ERBB4: variants seen among roughly 807,000 people sequenced by gnomAD.
The protein encoded by ERBB4 is erb-b2 receptor tyrosine kinase 4, also known as receptor tyrosine-protein kinase erbB-4.
Under a neutral mutation model 158.0 loss-of-function variants are expected in ERBB4, and 42 were observed. The ratio of observed to expected loss-of-function variants is 0.27; its 90% CI spans 0.21 to 0.34. The LOEUF is 0.34. Ranked by LOEUF, ERBB4 falls within the 10% of genes least tolerant of loss-of-function variation. ERBB4 has a pLI of 1.00. For missense variants in ERBB4, 1,333 were observed against 1,624.1 expected (o/e 0.82, Z 3.08); for synonymous variants, 583 against 558.7 (o/e 1.04, Z -0.61).
intron 20 of ERBB4, among the ~76,000 whole-genome samples, chr2:211,468,513 T>C (rs1358069342): frequency 6.6e-6 from 1 of 152,102 alleles, no homozygotes. Context: ...TATAAAAATC[T>C]GGACGTTATA....
intron 20 of ERBB4, among the ~76,000 whole-genome samples, chr2:211,525,890 A>C (rs1220650957): frequency 2.0e-5 from 3 of 152,038 alleles, no homozygotes; most frequent in Non-Finnish European, 4.4e-5. Flanking sequence ...AGTAGGAAGG[A>C]CTATGTCTTA....
chr2:212,428,966 T>C (rs2091969910), intron 1 of ERBB4, among the ~76,000 whole-genome samples: 1 of 152,148 alleles, frequency 6.6e-6, no homozygotes, highest in Non-Finnish European at 1.5e-5. Context: ...GCAACTACTT[T>C]ATGAGACATT....
chr2:211,925,671 C>T (rs190753561), intron 3 of ERBB4, among the ~76,000 whole-genome samples: 26 of 152,136 alleles, frequency 1.7e-4, no homozygotes, highest in African/African-American at 5.3e-4. Flanking sequence ...TGAGCCACCA[C>T]GCCCAGCTGT....
chr2:212,267,151 C>T lies in ERBB4; in HGVS notation c.83-142248G>A, dbSNP rs765082647. Reference sequence around the variant, plus strand: ...CCACCAAATTCAGTTGCCTCTTGCTCAACAAGCCTTAATCAAATGGGAAAA... The same window carrying T: ...CCACCAAATTCAGTTGCCTCTTGCTTAACAAGCCTTAATCAAATGGGAAAA... On this transcript the variant is annotated intron_variant, in intron 1 of 27. Coordinates refer to ENST00000342788, the MANE Select transcript of ERBB4 (RefSeq NM_005235.3). Among the ~76,000 whole-genome samples the T allele has an allele frequency of 4.3e-4, 65 of 151,960 alleles. 1 individual carries two copies. Among genetic ancestry groups the T allele is most frequent in the Non-Finnish European group, 9.0e-4 (61 of 67,960 alleles).
At chr2:211,901,002 A>G (rs1230007802) in intron 3 of ERBB4, among the ~76,000 whole-genome samples, 1 of 152,224 alleles carries the variant, frequency 6.6e-6, no homozygotes, top group Non-Finnish European at 1.5e-5. Flanking sequence ...ATTAAAAATC[A>G]GTTAAATAGC....
chr2:211,861,658 G>T (rs12991661), intron 3 of ERBB4, among the ~76,000 whole-genome samples: 1 of 151,750 alleles, frequency 6.6e-6, no homozygotes, highest in Non-Finnish European at 1.5e-5. Flanking sequence ...GTTCACACAC[G>T]AAGTCTTGGG....
intron 20 of ERBB4, among the ~76,000 whole-genome samples, chr2:211,524,400 C>G (rs765143316): frequency 2.8e-4 from 42 of 151,422 alleles, no homozygotes; most frequent in Middle Eastern, 3.4e-3. Flanking sequence ...CTTGGGTGGT[C>G]AATGGGACTG....
At chr2:212,098,078 C>T (rs1373926915) in intron 2 of ERBB4, among the ~76,000 whole-genome samples, 2 of 151,964 alleles carry the variant, frequency 1.3e-5, no homozygotes, top group African/African-American at 4.8e-5. Flanking sequence ...TTTTAGAAGA[C>T]TCATAGACAA....
At chr2:211,733,896 C>A (rs1016007297) in intron 5 of ERBB4, among the ~76,000 whole-genome samples, 1 of 147,480 alleles carries the variant, frequency 6.8e-6, no homozygotes, top group Non-Finnish European at 1.5e-5. Context: ...GCCTGGCCAA[C>A]ATGAAGAAAC....
intron 1 of ERBB4, among the ~76,000 whole-genome samples, chr2:212,503,443 G>C (rs1466298727): frequency 6.6e-6 from 1 of 152,044 alleles, no homozygotes; most frequent in Non-Finnish European, 1.5e-5. Context: ...GTAACATAAA[G>C]ACAGAAAATC....
At chr2:211,395,786 T>C (rs1398128659) in intron 25 of ERBB4, among the ~76,000 whole-genome samples, 2 of 152,076 alleles carry the variant, frequency 1.3e-5, no homozygotes, top group Non-Finnish European at 2.9e-5. Context: ...AGAGATATGT[T>C]ATCTAAACAC....
intron 1 of ERBB4, among the ~76,000 whole-genome samples, chr2:212,229,442 C>A (rs1001985600): frequency 3.3e-5 from 5 of 152,114 alleles, no homozygotes; most frequent in African/African-American, 1.2e-4. Context: ...AATGCCATAG[C>A]CTGTTCCATT....
At chr2:211,846,264 A>G (rs1467317544) in intron 3 of ERBB4, among the ~76,000 whole-genome samples, 1 of 152,066 alleles carries the variant, frequency 6.6e-6, no homozygotes. Flanking sequence ...TAATCCTTTA[A>G]TCTCCAGACA....
intron 3 of ERBB4, among the ~76,000 whole-genome samples, chr2:211,807,002 T>C (rs1237221541): frequency 1.3e-5 from 2 of 152,054 alleles, no homozygotes; most frequent in African/African-American, 4.8e-5. Context: ...AACGTCAAGA[T>C]TGATAATATA....
intron 16 of ERBB4, among the ~76,000 whole-genome samples, chr2:211,646,026 G>C (rs1041699032): frequency 6.6e-6 from 1 of 151,418 alleles, no homozygotes; most frequent in Non-Finnish European, 1.5e-5. Flanking sequence ...TGATACTAGG[G>C]AATACTAGGC....
intron 1 of ERBB4, among the ~76,000 whole-genome samples, chr2:212,168,328 G>A (rs1012948717): frequency 6.6e-6 from 1 of 152,078 alleles, no homozygotes; most frequent in Admixed American, 6.6e-5. Flanking sequence ...CGTATACAGT[G>A]TGTTCTATGA....
rs115843879 is a variant in ERBB4 at position 211,437,866 on chromosome 2, A to G, written c.2488-6766T>C. ...TTTTTCTACCTTTCCTTCTAAAAGC[A>G]ATTCTATCCCTGGGGGAAAAAGAAT... On this transcript the variant is annotated intron_variant, in intron 20 of 27. Transcript: ENST00000342788. Among the ~76,000 whole-genome samples, 564 of 152,306 alleles carry G rather than the reference A, an allele frequency of 3.7e-3. 5 individuals carry two copies. The highest frequency in any genetic ancestry group is 0.013 in the African/African-American group (546 of 41,568).
intron 3 of ERBB4, among the ~76,000 whole-genome samples, chr2:211,925,170 C>A (rs574049131): frequency 6.6e-6 from 1 of 152,252 alleles, no homozygotes; most frequent in African/African-American, 2.4e-5. Context: ...TAGTAACAGC[C>A]ATCCACTTAG....
At chr2:211,637,079 A>T (rs1359612570) in intron 16 of ERBB4, among the ~76,000 whole-genome samples, 6 of 151,982 alleles carry the variant, frequency 3.9e-5, no homozygotes, top group African/African-American at 1.4e-4. Context: ...GTTATATTTC[A>T]TTTTAAAAAT....
Sources: allele counts gnomAD v4.1 joint callset (sites outside exome capture counted in the v4.1 genomes callset), GRCh38; gene constraint gnomAD v4.1.1; transcripts MANE v1.5; gene names NCBI Gene and HGNC (gene_info 2026-07-23, HGNC 2026-07-21).